FBN2: variants seen among roughly 807,000 people sequenced by gnomAD.
FBN2 encodes the protein fibrillin 2.
In FBN2, 105 loss-of-function variants were observed where a neutral mutation model predicts 355.6. The observed-to-expected ratio is 0.30, with a 90% CI of 0.25 to 0.35. The LOEUF (loss-of-function observed/expected upper bound fraction) is 0.35. Among genes scored for constraint, FBN2 ranks in the 10% least tolerant of loss-of-function variants. The pLI is 1.00. For missense variants in FBN2, 3,280 were observed against 3,758.7 expected (o/e 0.87, Z 3.33); for synonymous variants, 1,350 against 1,301.2 (o/e 1.04, Z -0.81).
chr5:128,363,144 C>G (rs1041422482), intron 18 of FBN2, among the ~76,000 whole-genome samples: 1 of 151,894 alleles, frequency 6.6e-6, no homozygotes, highest in Non-Finnish European at 1.5e-5. Context: ...TCACAATTTT[C>G]TTTCTCTCTT....
At chr5:128,374,441 T>C (rs1752028889) in intron 15 of FBN2, among the ~76,000 whole-genome samples, 187 bp downstream of exon 15, 1 of 152,208 alleles carries the variant, frequency 6.6e-6, no homozygotes, top group Non-Finnish European at 1.5e-5. Flanking sequence ...TTCATATGGA[T>C]GGAATCATAC....
rs371343840 is a variant in FBN2 at position 128,508,003 on chromosome 5, TTTA to T, written c.628+11267_628+11269del. 5.7e-3 allele frequency among the ~76,000 whole-genome samples: 861 copies of T among 152,152 alleles called. 10 individuals are homozygous for T. The highest frequency in any genetic ancestry group is 0.02 in the African/African-American group (825 of 41,570). ...CACATCTTCTTGATTAACTGACCGC[TTTA>T]TTATTATGAAATGGCCTTCTTTATG... On this transcript the variant is annotated intron_variant, in intron 5 of 64. Coordinates refer to ENST00000262464, the MANE Select transcript of FBN2 (RefSeq NM_001999.4).
intron 5 of FBN2, among the ~76,000 whole-genome samples, chr5:128,466,768 G>A (rs1255124625): frequency 1.3e-5 from 2 of 152,160 alleles, no homozygotes; most frequent in Non-Finnish European, 2.9e-5. Context: ...CTGGCTGCAA[G>A]TCTCGTTTTT....
intron 15 of FBN2, among the ~76,000 whole-genome samples, chr5:128,374,225 C>T (rs922359782): frequency 6.6e-6 from 1 of 152,080 alleles, no homozygotes; most frequent in Non-Finnish European, 1.5e-5. Flanking sequence ...AATTTACATA[C>T]CATAGAATCC....
At chr5:128,519,251 A>T (rs1756365865) in intron 5 of FBN2, 22 bp downstream of exon 5, 1 of 1,520,400 alleles carries the variant, frequency 6.6e-7, no homozygotes, top group East Asian at 2.2e-5. Flanking sequence ...TTCAGAAAGT[A>T]AAGTCTCATT....
chr5:128,388,671 C>T (rs757923502), intron 11 of FBN2, among the ~76,000 whole-genome samples: 1 of 152,192 alleles, frequency 6.6e-6, no homozygotes, highest in Non-Finnish European at 1.5e-5. Flanking sequence ...CACCCAAACT[C>T]TTCTGGCTTG....
At chr5:128,374,587 T>G in intron 15 of FBN2, 41 bp downstream of exon 15, 1 of 1,613,454 alleles carries the variant, frequency 6.2e-7, no homozygotes, top group Admixed American at 1.7e-5. Context: ...TTTTCAAAGA[T>G]CATTTTGCAC....
chr5:128,309,526 A>C (rs1402652193), intron 40 of FBN2, 127 bp from the exon 41 acceptor site: 21 of 744,284 alleles, frequency 2.8e-5, no homozygotes, highest in Non-Finnish European at 2.3e-6. Context: ...AGTCATTTGA[A>C]GCTATCTTAA....
intron 6 of FBN2, among the ~76,000 whole-genome samples, chr5:128,448,656 T>C (rs532091662): frequency 2.0e-4 from 31 of 152,290 alleles, no homozygotes; most frequent in African/African-American, 6.7e-4. Context: ...AATATTGTAA[T>C]ATTGTAAATA....
intron 7 of FBN2, among the ~76,000 whole-genome samples, chr5:128,418,967 T>C (rs1038165805): frequency 1.3e-5 from 2 of 152,206 alleles, no homozygotes; most frequent in Admixed American, 1.3e-4. Context: ...ATTAAGTTTT[T>C]CAATCTGTAA....
chr5:128,416,185 C>A (rs1044732529), intron 7 of FBN2, among the ~76,000 whole-genome samples: 2 of 152,088 alleles, frequency 1.3e-5, no homozygotes, highest in Admixed American at 6.5e-5. Flanking sequence ...ACCATCACAC[C>A]CAGCTAATTT....
At chr5:128,352,982 G>A (rs1258872247) in intron 20 of FBN2, among the ~76,000 whole-genome samples, 8 of 152,004 alleles carry the variant, frequency 5.3e-5, no homozygotes, top group Non-Finnish European at 1.5e-5. Context: ...AGACCAGCCT[G>A]GACAACATGG....
intron 2 of FBN2, among the ~76,000 whole-genome samples, chr5:128,532,918 T>G (rs1756745245): frequency 6.6e-6 from 1 of 152,104 alleles, no homozygotes; most frequent in African/African-American, 2.4e-5. Flanking sequence ...CATGTGCCCA[T>G]AGTCCCAGCT....
intron 20 of FBN2, among the ~76,000 whole-genome samples, chr5:128,353,315 C>G (rs1751418159): frequency 6.6e-6 from 1 of 152,112 alleles, no homozygotes; most frequent in Non-Finnish European, 1.5e-5. Context: ...CAAGAAGTTA[C>G]CAACAACCCA....
intron 7 of FBN2, among the ~76,000 whole-genome samples, chr5:128,440,416 A>T: frequency 6.6e-6 from 1 of 152,238 alleles, no homozygotes; most frequent in East Asian, 1.9e-4. Context: ...TCATGGTGGA[A>T]GGTGAACAGG....
At chr5:128,442,122 C>A in intron 7 of FBN2, 1 of 326,778 alleles carries the variant, frequency 3.1e-6, no homozygotes, top group East Asian at 8.4e-5. Flanking sequence ...TATTTGTTGT[C>A]ACAAGTCTCA....
intron 7 of FBN2, among the ~76,000 whole-genome samples, chr5:128,436,103 A>C (rs1217941159): frequency 6.6e-6 from 1 of 152,224 alleles, no homozygotes; most frequent in African/African-American, 2.4e-5. Context: ...GTTGCTTAAC[A>C]CATGTGTTTT....
intron 5 of FBN2, among the ~76,000 whole-genome samples, chr5:128,509,726 T>A (rs1303985390): frequency 6.6e-6 from 1 of 152,160 alleles, no homozygotes; most frequent in African/African-American, 2.4e-5. Flanking sequence ...TAGATAGATG[T>A]TTGATCCTTT....
At chr5:128,497,485 C>G (rs1235152563) in intron 5 of FBN2, among the ~76,000 whole-genome samples, 1 of 152,164 alleles carries the variant, frequency 6.6e-6, no homozygotes, top group Non-Finnish European at 1.5e-5. Flanking sequence ...TAGGGATTTG[C>G]TTTGTTGTCA....
Sources: allele counts gnomAD v4.1 joint callset (sites outside exome capture counted in the v4.1 genomes callset), GRCh38; gene constraint gnomAD v4.1.1; transcripts MANE v1.5; gene names NCBI Gene and HGNC (gene_info 2026-07-23, HGNC 2026-07-21).